The following ADCY2 variants were observed in gnomAD, a reference collection of about 807,000 sequenced individuals.
ADCY2 encodes the protein adenylate cyclase type 2.
Under a neutral mutation model 125.2 loss-of-function variants are expected in ADCY2, and 31 were observed. The ratio of observed to expected loss-of-function variants is 0.25; its 90% CI spans 0.19 to 0.33. The LOEUF (loss-of-function observed/expected upper bound fraction) is 0.33. ADCY2 is among the 10% of genes least tolerant of loss of function. The probability of loss-of-function intolerance (pLI) is 1.00; values close to 1 mark genes in which losing one functional copy is unlikely to be tolerated. For missense variants in ADCY2, 904 were observed against 1,418.2 expected (o/e 0.64, Z 5.82); for synonymous variants, 512 against 548.4 (o/e 0.93, Z 0.93).
At chr5:7,418,321 G>C (rs116447820) in intron 2 of ADCY2, among the ~76,000 whole-genome samples, 2,853 of 152,274 alleles carry the variant, frequency 0.019, 32 homozygotes, top group Non-Finnish European at 0.03. Flanking sequence ...TAATTTTGCA[G>C]GTTGGGAGGC....
chr5:7,544,768 G>A (rs1335893359), intron 3 of ADCY2, among the ~76,000 whole-genome samples: 1 of 152,174 alleles, frequency 6.6e-6, no homozygotes, highest in African/African-American at 2.4e-5. Context: ...GTAAAATAAA[G>A]GAAAAGAGTG....
chr5:7,617,483 A>G (rs1397461267), intron 3 of ADCY2, among the ~76,000 whole-genome samples: 1 of 152,142 alleles, frequency 6.6e-6, no homozygotes, highest in Non-Finnish European at 1.5e-5. Flanking sequence ...TATTAGTAGT[A>G]GTAGTAGTAG....
chr5:7,743,832 A>G, intron 15 of ADCY2, 80 bp downstream of exon 15: 1 of 1,381,394 alleles, frequency 7.2e-7, no homozygotes, highest in Middle Eastern at 1.8e-4. Context: ...ACTTTCCAAA[A>G]CAAGGAGCTT....
In ADCY2 at chr5:7,666,081, G is replaced by A. The variant is rs370160493; in HGVS notation, c.721-24610G>A. Among the ~76,000 whole-genome samples the A allele has an allele frequency of 1.5e-3, 234 of 151,346 alleles. 3 individuals carry two copies. The highest frequency in any genetic ancestry group is 5.0e-3 in the African/African-American group (205 of 41,256). ...TCTCGATCTCCTGACCTCGTGATCC[G>A]CCCGCCTTGGCCTCCCAAAGTGCTG... On this transcript the variant is annotated intron_variant, in intron 4 of 24. Transcript: ENST00000338316.
intron 4 of ADCY2, among the ~76,000 whole-genome samples, chr5:7,644,845 G>A (rs903602033): frequency 7.9e-5 from 12 of 151,822 alleles, no homozygotes; most frequent in African/African-American, 1.7e-4. Context: ...CATACACTCC[G>A]CCCCACCAAA....
chr5:7,802,652 C>T lies in ADCY2; in HGVS notation c.2775+288C>T, dbSNP rs900532470. 5.9e-5 allele frequency among the ~76,000 whole-genome samples: 9 copies of T among 152,128 alleles called. No individual in the cohort carries two copies. The highest frequency in any genetic ancestry group is 2.0e-4 in the Admixed American group (3 of 15,266). On this transcript the variant is annotated intron_variant, in intron 21 of 24. Coordinates refer to ENST00000338316, the MANE Select transcript of ADCY2 (RefSeq NM_020546.3). This position sits in a 1 kb window ranked among gnomAD's most constrained non-coding sequence, Gnocchi z 4.6. ...TGGATTCTTTACAAAGGCTTGAATT[C>T]GCGGTAAAATACTTGCCCATCCCTT...
intron 16 of ADCY2, among the ~76,000 whole-genome samples, chr5:7,762,565 G>A (rs1015359507): frequency 6.6e-6 from 1 of 152,234 alleles, no homozygotes; most frequent in African/African-American, 2.4e-5. Flanking sequence ...ATGTCAGGAA[G>A]GCGACACCTT....
At chr5:7,784,172 C>A (rs562516561) in intron 18 of ADCY2, among the ~76,000 whole-genome samples, 193 bp from the exon 19 acceptor site, 2 of 152,286 alleles carry the variant, frequency 1.3e-5, no homozygotes, top group South Asian at 2.1e-4. Flanking sequence ...TTTTACTGTG[C>A]TCTCAGAATA....
At chr5:7,788,214 C>G (rs1354786503) in intron 19 of ADCY2, among the ~76,000 whole-genome samples, 1 of 152,188 alleles carries the variant, frequency 6.6e-6, no homozygotes, top group East Asian at 1.9e-4. Context: ...GAGTCTCGTT[C>G]TGTTTCCCAG....
rs144620094 is a variant in ADCY2, at chr5:7,755,799, A to G, written c.1957-1650A>G. Among the ~76,000 whole-genome samples the G allele has an allele frequency of 1.7e-3, 258 of 152,342 alleles. 2 individuals are homozygous for G. Among genetic ancestry groups the G allele is most frequent in the Non-Finnish European group, 1.6e-3 (112 of 68,028 alleles). ...CATTCAACTGTTGTATCAACATTGA[A>G]CATACAGCAATGCTTAGGGCAACAA... is the stretch of plus-strand genomic sequence containing the variant. On this transcript the variant is annotated intron_variant, in intron 15 of 24. Transcript: ENST00000338316.
chr5:7,445,682 C>T (rs1333468147), intron 2 of ADCY2, among the ~76,000 whole-genome samples: 3 of 152,200 alleles, frequency 2.0e-5, no homozygotes, highest in African/African-American at 7.2e-5. Flanking sequence ...ACAGGTTTAA[C>T]ACGTATCTCA....
intron 14 of ADCY2, among the ~76,000 whole-genome samples, chr5:7,742,641 A>G (rs1343487936): frequency 6.6e-6 from 1 of 152,198 alleles, no homozygotes; most frequent in Non-Finnish European, 1.5e-5. Context: ...TCATGACAGC[A>G]TCAGGAGCTT....
At chr5:7,463,225 C>T (rs538265800) in intron 2 of ADCY2, among the ~76,000 whole-genome samples, 3 of 152,282 alleles carry the variant, frequency 2.0e-5, no homozygotes, top group South Asian at 4.1e-4. Context: ...CATCAAAGGA[C>T]TGCTAACGTC....
At chr5:7,413,755 G>C (rs1212701291) in intron 1 of ADCY2, among the ~76,000 whole-genome samples, 1 of 152,148 alleles carries the variant, frequency 6.6e-6, no homozygotes, top group African/African-American at 2.4e-5. Context: ...CCTAAGCCCA[G>C]GCTTGTGTAA....
At chr5:7,615,216 A>G (rs925566277) in intron 3 of ADCY2, among the ~76,000 whole-genome samples, 1 of 152,158 alleles carries the variant, frequency 6.6e-6, no homozygotes, top group African/African-American at 2.4e-5. Flanking sequence ...TGGGGACTAC[A>G]ATTCAACATG....
In ADCY2 at chr5:7,709,141, G is replaced by C. The variant is rs910740236; in HGVS notation, c.1402-70G>C. On this transcript the variant is annotated intron_variant, in intron 9 of 24. Transcript: ENST00000338316. This position sits in a 1 kb window ranked among gnomAD's most constrained non-coding sequence, Gnocchi z 4.4. ...AGGAGGAATGACCCTAGTCCAATGA[G>C]GTCGATGCCAAAAGGATCATGTGTG... 5.9e-5 allele frequency: 85 copies of C among 1,442,438 alleles called. No individual in the cohort carries two copies. The highest frequency in any genetic ancestry group is 7.5e-5 in the Non-Finnish European group (82 of 1,086,496). 89.4% of individuals were successfully genotyped at this position (1,442,438 alleles called of 1,614,324 possible).
At chr5:7,424,474 A>T (rs1295642769) in intron 2 of ADCY2, among the ~76,000 whole-genome samples, 1 of 152,272 alleles carries the variant, frequency 6.6e-6, no homozygotes, top group African/African-American at 2.4e-5. Flanking sequence ...GCCCACTGTC[A>T]TTGGTGACTA....
At chr5:7,400,179 T>C (rs1435748243) in intron 1 of ADCY2, among the ~76,000 whole-genome samples, 1 of 152,204 alleles carries the variant, frequency 6.6e-6, no homozygotes, top group Non-Finnish European at 1.5e-5. Context: ...GAATAGTCAA[T>C]ATTTCAATAT....
At chr5:7,499,664 T>TATATATATATAC (rs1743485479) in intron 2 of ADCY2, among the ~76,000 whole-genome samples, 1 of 120,022 alleles carries the variant, frequency 8.3e-6, no homozygotes, top group Admixed American at 8.0e-5. Flanking sequence ...TATATATATA[T>TATATATATATAC]ATATATATAT....
Sources: gnomAD v4.1 joint callset for allele counts (sites outside exome capture counted in the v4.1 genomes callset) on GRCh38, gnomAD v4.1.1 for gene constraint, Gnocchi (gnomAD v3.1) non-coding constraint, MANE v1.5 for transcripts, NCBI Gene and HGNC (gene_info 2026-07-23, HGNC 2026-07-21) for gene names.